The following BCAS3 variants were observed in gnomAD, a reference collection of about 807,000 sequenced individuals.
BCAS3 encodes the protein BCAS4/BCAS3 fusion.
A neutral mutation model predicts 116.1 loss-of-function variants in BCAS3; 53 were observed. The observed-to-expected ratio is 0.46, with a 90% CI of 0.37 to 0.57. The LOEUF is 0.57. Among genes scored for constraint, BCAS3 ranks in the 20% least tolerant of loss-of-function variants. The probability of loss-of-function intolerance (pLI) is 0.00; values close to 1 mark genes in which losing one functional copy is unlikely to be tolerated. For synonymous variants in BCAS3, 391 were observed against 408.2 expected, an observed-to-expected ratio of 0.96 and a Z score of 0.51; for missense variants, 917 against 1,165.4, an observed-to-expected ratio of 0.79 and a Z score of 3.10.
intron 22 of BCAS3, among the ~76,000 whole-genome samples, chr17:61,123,862 C>T (rs1348585282): frequency 6.6e-6 from 1 of 152,146 alleles, no homozygotes. Context: ...ACACCCAAGA[C>T]CTTCTGTAGA....
At chr17:60,912,495 A>T (rs1949272330) in intron 12 of BCAS3, among the ~76,000 whole-genome samples, 1 of 152,150 alleles carries the variant, frequency 6.6e-6, no homozygotes, top group South Asian at 2.1e-4. Flanking sequence ...AAAAACTTTG[A>T]AATTCTGGAT....
intron 4 of BCAS3, among the ~76,000 whole-genome samples, chr17:60,706,225 G>T (rs2037115786): frequency 6.6e-6 from 1 of 151,880 alleles, no homozygotes; most frequent in African/African-American, 2.4e-5. Flanking sequence ...ACCACGCCCG[G>T]CTAATTTTTT....
rs1474956026 is a variant in BCAS3, at chr17:61,343,073, G to GT, written c.2426-25253dup. Reference sequence around the variant, plus strand: ...AGCCGAGATTTTCTTTTAAAGGAAGGTGAGAGAGTAACTTCTTGGCCACCT... The same window carrying GT: ...AGCCGAGATTTTCTTTTAAAGGAAGGTTGAGAGAGTAACTTCTTGGCCACCT... On this transcript the variant is annotated intron_variant, in intron 22 of 23. Transcript: ENST00000407086. This position sits in a 1 kb window ranked among gnomAD's most constrained non-coding sequence, Gnocchi z 5.5. Among the ~76,000 whole-genome samples, 4 of 152,196 alleles carry GT rather than the reference G, an allele frequency of 2.6e-5. No individual in the cohort carries two copies. Among genetic ancestry groups the GT allele is most frequent in the African/African-American group, 9.7e-5 (4 of 41,450 alleles).
chr17:60,926,820 G>A (rs1022151192), intron 13 of BCAS3, among the ~76,000 whole-genome samples: 28 of 152,152 alleles, frequency 1.8e-4, no homozygotes, highest in East Asian at 3.9e-4. Flanking sequence ...TGTTGTAGTC[G>A]TCATAAAATG....
chr17:61,351,697 A>G (rs1602966156), intron 22 of BCAS3, among the ~76,000 whole-genome samples: 1 of 152,284 alleles, frequency 6.6e-6, no homozygotes. Flanking sequence ...TAACCACCTC[A>G]TCTCTCCCCC....
intron 7 of BCAS3, among the ~76,000 whole-genome samples, chr17:60,817,379 G>T (rs2049525122): frequency 6.6e-6 from 1 of 152,164 alleles, no homozygotes; most frequent in Non-Finnish European, 1.5e-5. Context: ...TTTATGGTTA[G>T]GATCTTGTTG....
At chr17:60,679,315 G>A in intron 1 of BCAS3, 138 bp from the exon 2 acceptor site, 1 of 585,606 alleles carries the variant, frequency 1.7e-6, no homozygotes, top group Non-Finnish European at 3.0e-6. Context: ...GGTGTAACAG[G>A]AATTTCTGGG....
At chr17:61,093,670 A>G (rs1221449131) in intron 22 of BCAS3, among the ~76,000 whole-genome samples, 3 of 152,226 alleles carry the variant, frequency 2.0e-5, no homozygotes, top group Non-Finnish European at 2.9e-5. Context: ...TTGTTTATCA[A>G]AAAGATACGC....
At position 61,077,929 on chromosome 17, in the gene BCAS3, A is replaced by C. The variant is rs1225996628; in HGVS notation, c.2131-404A>C. 6.6e-6 allele frequency among the ~76,000 whole-genome samples: 1 copy of C among 152,162 alleles called. No individual in the cohort carries two copies. Among genetic ancestry groups the C allele is most frequent in the African/African-American group, 2.4e-5 (1 of 41,450 alleles). On this transcript the variant is annotated intron_variant, in intron 20 of 23. Transcript: ENST00000407086. The surrounding 1 kb of genome is among the most constrained non-coding windows in gnomAD (Gnocchi z 4.3). ...TTTTAATCTGTGGATTAATAGGTGTAGTATTCAGTGCATGCCCACAACATG... is the reference window on the plus strand; with the variant it reads ...TTTTAATCTGTGGATTAATAGGTGTCGTATTCAGTGCATGCCCACAACATG...
At chr17:60,974,999 G>T (rs868033778) in intron 14 of BCAS3, among the ~76,000 whole-genome samples, 2,141 of 130,928 alleles carry the variant, frequency 0.016, 92 homozygotes, top group African/African-American at 0.069. Flanking sequence ...TTGCTTTTTT[G>T]TTTTTTTTTT....
intron 14 of BCAS3, among the ~76,000 whole-genome samples, chr17:60,979,996 T>C (rs1437484606): frequency 1.3e-5 from 2 of 152,236 alleles, no homozygotes; most frequent in South Asian, 2.1e-4. Context: ...GGTATCAGGA[T>C]GATGCTGGCC....
At chr17:61,121,082 A>C (rs2075763954) in intron 22 of BCAS3, among the ~76,000 whole-genome samples, 2 of 152,110 alleles carry the variant, frequency 1.3e-5, no homozygotes, top group African/African-American at 4.8e-5. Flanking sequence ...TTTAGCAAAA[A>C]TATTTCATGA....
At position 61,091,516 on chromosome 17, in the gene BCAS3, C is replaced by T. The variant is rs150482901; in HGVS notation, c.2425+6952C>T. 3.7e-3 allele frequency among the ~76,000 whole-genome samples: 565 copies of T among 152,272 alleles called. 6 individuals are homozygous for T. Among genetic ancestry groups the T allele is most frequent in the Middle Eastern group, 0.031 (9 of 294 alleles). On this transcript the variant is annotated intron_variant, in intron 22 of 23. Coordinates refer to ENST00000407086, the MANE Select transcript of BCAS3 (RefSeq NM_017679.5). Reference sequence around the variant, plus strand: ...ACTATTTTAAACTGTCTGCAAGAGCCTGAGAGGCTTATGCTTATAGGTGCC... The same window carrying T: ...ACTATTTTAAACTGTCTGCAAGAGCTTGAGAGGCTTATGCTTATAGGTGCC...
chr17:61,001,325 G>A (rs2145478658), intron 15 of BCAS3, among the ~76,000 whole-genome samples: 1 of 150,252 alleles, frequency 6.7e-6, no homozygotes, highest in South Asian at 2.1e-4. Context: ...ACCACTCAAA[G>A]ACTCTGTTTA....
rs1312172976 is a variant in BCAS3, at chr17:61,026,800, G to C, written c.1638-7866G>C. On this transcript the variant is annotated intron_variant, in intron 16 of 23. Transcript: ENST00000407086. The surrounding 1 kb of genome is among the most constrained non-coding windows in gnomAD (Gnocchi z 5.0). ...TACTCTATAACAGTATGATATACTT[G>C]TATTTGCTAATGTTAAATGAGTTTT... 4.3e-6 allele frequency: 6 copies of C among 1,407,490 alleles called. No homozygotes were observed. In the African/African-American group the frequency reaches 8.6e-5, roughly 20 times the overall value. 87.2% of individuals were successfully genotyped at this position (1,407,490 alleles called of 1,614,324 possible).
At chr17:60,810,803 TG>T in intron 7 of BCAS3, 1 of 672,082 alleles carries the variant, frequency 1.5e-6, no homozygotes, top group African/African-American at 1.8e-5. Context: ...CTGCTCTTCC[TG>T]AAGAAAAACC....
chr17:60,872,478 A>G, intron 8 of BCAS3, among the ~76,000 whole-genome samples: 1 of 141,276 alleles, frequency 7.1e-6, no homozygotes, highest in African/African-American at 2.9e-5. Flanking sequence ...ATATATCTGT[A>G]TGTATATATC....
rs141721192 is a variant in BCAS3 at position 61,026,219 on chromosome 17, G to T, written c.1638-8447G>T. On this transcript the variant is annotated intron_variant, in intron 16 of 23. Coordinates refer to ENST00000407086, the MANE Select transcript of BCAS3 (RefSeq NM_017679.5). This position sits in a 1 kb window ranked among gnomAD's most constrained non-coding sequence, Gnocchi z 5.0. Reference sequence around the variant, plus strand: ...TTGCTGCGTACTAACCTAATCTAGTGCAGACCAGGTAAAGGAAGCTAACCT... The same window carrying T: ...TTGCTGCGTACTAACCTAATCTAGTTCAGACCAGGTAAAGGAAGCTAACCT... Among the ~76,000 whole-genome samples, 1,640 of 152,154 alleles carry T rather than the reference G, an allele frequency of 0.011. 22 individuals are homozygous for T. The highest frequency in any genetic ancestry group is 0.019 in the Admixed American group (291 of 15,260).
chr17:60,698,534 A>T (rs984851349), intron 4 of BCAS3, among the ~76,000 whole-genome samples: 9 of 152,130 alleles, frequency 5.9e-5, no homozygotes, highest in Admixed American at 5.9e-4. Context: ...CCATCCAGAG[A>T]AAGTGACTAA....
Sources: gnomAD v4.1 joint callset for allele counts (sites outside exome capture counted in the v4.1 genomes callset) on GRCh38, gnomAD v4.1.1 for gene constraint, Gnocchi (gnomAD v3.1) non-coding constraint, MANE v1.5 for transcripts, NCBI Gene and HGNC (gene_info 2026-07-23, HGNC 2026-07-21) for gene names.